SLCO5A1: variants seen among roughly 807,000 people sequenced by gnomAD.
SLCO5A1 encodes organic anion transporter polypeptide-related protein 4.
In SLCO5A1, 39 loss-of-function variants were observed where a neutral mutation model predicts 65.1. The observed-to-expected ratio is 0.60, with a 90% CI of 0.46 to 0.78. The LOEUF (loss-of-function observed/expected upper bound fraction) is 0.78. Among genes scored for constraint, SLCO5A1 ranks in the 30% least tolerant of loss-of-function variants. SLCO5A1 has a pLI of 0.00. For missense variants in SLCO5A1, 1,029 were observed against 1,069.4 expected (o/e 0.96, Z 0.53); for synonymous variants, 438 against 415.7 (o/e 1.05, Z -0.65).
At chr8:69,776,701 C>G (rs1038264420) in intron 2 of SLCO5A1, among the ~76,000 whole-genome samples, 1 of 151,776 alleles carries the variant, frequency 6.6e-6, no homozygotes, top group Admixed American at 6.6e-5. Flanking sequence ...AAAAAACAAA[C>G]CAACCAAAGA....
At chr8:69,787,912 C>T (rs1169581188) in intron 2 of SLCO5A1, among the ~76,000 whole-genome samples, 1 of 152,176 alleles carries the variant, frequency 6.6e-6, no homozygotes, top group Non-Finnish European at 1.5e-5. Flanking sequence ...CTTAAAAACA[C>T]TCTTTTTACA....
chr8:69,767,536 G>T (rs755490779), intron 2 of SLCO5A1, among the ~76,000 whole-genome samples: 13 of 152,158 alleles, frequency 8.5e-5, no homozygotes, highest in Non-Finnish European at 1.8e-4. Context: ...GTTATCATAG[G>T]CATGAAAGGA....
intron 2 of SLCO5A1, among the ~76,000 whole-genome samples, chr8:69,763,611 C>A (rs1817906081): frequency 8.9e-5 from 1 of 11,258 alleles, no homozygotes; most frequent in South Asian, 2.8e-3. Context: ...CAGAGCAAGA[C>A]TCCAAAAAAA....
At chr8:69,779,836 A>C (rs1818723155) in intron 2 of SLCO5A1, among the ~76,000 whole-genome samples, 1 of 152,212 alleles carries the variant, frequency 6.6e-6, no homozygotes, top group South Asian at 2.1e-4. Flanking sequence ...GCTTCTGTAC[A>C]GCAAAAGAGA....
chr8:69,770,721 C>A (rs2130873182), intron 2 of SLCO5A1, among the ~76,000 whole-genome samples: 1 of 152,274 alleles, frequency 6.6e-6, no homozygotes, highest in Non-Finnish European at 1.5e-5. Flanking sequence ...AGAAGCCTGG[C>A]CCTGCCACAG....
At position 69,676,724 on chromosome 8, in the gene SLCO5A1, A is replaced by T. The variant is rs1813564612; in HGVS notation, c.2025-51T>A. Reference sequence around the variant, plus strand: ...GCATTTTAAATAGTAGCCCCAAGAAAATGAATGTCAAATCAAGTCGGCTTT... The same window carrying T: ...GCATTTTAAATAGTAGCCCCAAGAATATGAATGTCAAATCAAGTCGGCTTT... On this transcript the variant is annotated intron_variant, in intron 8 of 9. Coordinates refer to ENST00000260126, the MANE Select transcript of SLCO5A1 (RefSeq NM_030958.3). The T allele has an allele frequency of 2.0e-6, 3 of 1,523,160 alleles. No individual in the cohort carries two copies. The Admixed American group carries it at 5.3e-5, about 27-fold the overall frequency. 94.4% of individuals were successfully genotyped at this position (1,523,160 alleles called of 1,614,324 possible). A position where few individuals can be genotyped will look rare whatever the true frequency, so the allele number is the denominator to read the frequency against.
intron 6 of SLCO5A1, among the ~76,000 whole-genome samples, chr8:69,699,836 A>C (rs1322389921): frequency 6.6e-6 from 1 of 152,222 alleles, no homozygotes; most frequent in Non-Finnish European, 1.5e-5. Flanking sequence ...AAAATATGAT[A>C]GGCTGGGTGA....
intron 3 of SLCO5A1, among the ~76,000 whole-genome samples, chr8:69,761,028 C>A (rs1817749704): frequency 1.3e-5 from 2 of 152,058 alleles, no homozygotes; most frequent in African/African-American, 2.4e-5. Context: ...AAAGTGAAAA[C>A]AATGTATTTT....
intron 2 of SLCO5A1, among the ~76,000 whole-genome samples, chr8:69,797,230 T>C (rs1196346340): frequency 6.6e-6 from 1 of 152,222 alleles, no homozygotes; most frequent in African/African-American, 2.4e-5. Context: ...TCATGGACAC[T>C]TATCACTTCC....
intron 4 of SLCO5A1, among the ~76,000 whole-genome samples, chr8:69,743,585 C>T (rs1287773187): frequency 6.6e-6 from 1 of 152,124 alleles, no homozygotes; most frequent in East Asian, 1.9e-4. Flanking sequence ...GGCAGAGAGA[C>T]GAACTTCCTG....
At chr8:69,719,084 G>A (rs1040646599) in intron 5 of SLCO5A1, among the ~76,000 whole-genome samples, 1 of 152,084 alleles carries the variant, frequency 6.6e-6, no homozygotes, top group African/African-American at 2.4e-5. Context: ...CAGGAGTCCA[G>A]GATAATAAAA....
At chr8:69,744,053 C>G (rs1816918055) in intron 4 of SLCO5A1, among the ~76,000 whole-genome samples, 1 of 152,160 alleles carries the variant, frequency 6.6e-6, no homozygotes, top group Non-Finnish European at 1.5e-5. Flanking sequence ...TCTCCTCTCC[C>G]CTGGAGCCTT....
intron 6 of SLCO5A1, among the ~76,000 whole-genome samples, chr8:69,683,214 T>G (rs1791263829): frequency 6.6e-6 from 1 of 152,322 alleles, no homozygotes; most frequent in South Asian, 2.1e-4. Context: ...AAAGGCGCTC[T>G]GTACTGCTCG....
chr8:69,755,397 T>A (rs746130732), intron 4 of SLCO5A1, 27 bp downstream of exon 4: 2 of 1,589,028 alleles, frequency 1.3e-6, no homozygotes, highest in Middle Eastern at 2.2e-4. Flanking sequence ...GTGCCATGCA[T>A]GTATTTATTC....
intron 2 of SLCO5A1, among the ~76,000 whole-genome samples, chr8:69,816,816 A>G (rs986103386): frequency 5.3e-5 from 8 of 152,226 alleles, no homozygotes; most frequent in Non-Finnish European, 1.2e-4. Context: ...AACAATTCTC[A>G]TAACTGAAGT....
chr8:69,737,769 A>AT (rs1416638430), intron 5 of SLCO5A1, among the ~76,000 whole-genome samples: 1 of 152,140 alleles, frequency 6.6e-6, no homozygotes, highest in Non-Finnish European at 1.5e-5. Flanking sequence ...GTCATTGCCT[A>AT]TTTCATTTTT....
At chr8:69,780,437 TGTG>T (rs1818743739) in intron 2 of SLCO5A1, among the ~76,000 whole-genome samples, 1 of 152,046 alleles carries the variant, frequency 6.6e-6, no homozygotes, top group South Asian at 2.1e-4. Flanking sequence ...ATAAAGAAAA[TGTG>T]GTACATATAC....
intron 4 of SLCO5A1, among the ~76,000 whole-genome samples, chr8:69,742,861 C>T (rs578179468): frequency 1.0e-3 from 132 of 127,392 alleles, no homozygotes; most frequent in African/African-American, 3.8e-3. Flanking sequence ...AGTGCAGTGG[C>T]GTGATCTCAG....
At chr8:69,764,900 C>G (rs992869248) in intron 2 of SLCO5A1, among the ~76,000 whole-genome samples, 1 of 152,186 alleles carries the variant, frequency 6.6e-6, no homozygotes. Context: ...GTGCACCTGA[C>G]TGCAACATCT....
Sources: gnomAD v4.1 joint callset for allele counts (sites outside exome capture counted in the v4.1 genomes callset) on GRCh38, gnomAD v4.1.1 for gene constraint, MANE v1.5 for transcripts, NCBI Gene and HGNC (gene_info 2026-07-23, HGNC 2026-07-21) for gene names.